VWA5B1: variants seen among roughly 807,000 people sequenced by gnomAD.
The protein encoded by VWA5B1 is von Willebrand factor A domain-containing protein 5B1.
A neutral mutation model predicts 118.2 loss-of-function variants in VWA5B1; 115 were observed. That is an observed-to-expected ratio of 0.97 (90% confidence interval 0.84 to 1.14). VWA5B1 has a LOEUF of 1.14. Ranked by LOEUF, VWA5B1 falls within the 50% of genes most tolerant of loss-of-function variation. The pLI, the probability that VWA5B1 is intolerant of heterozygous loss-of-function variation, is 0.00. For synonymous variants in VWA5B1, 682 were observed against 658.4 expected (o/e 1.04, Z -0.55); for missense variants, 1,596 against 1,603.8 (o/e 1.00, Z 0.08).
Position 20,348,325 on chromosome 1 carries a change from A to T in VWA5B1, c.2845A>T (p.Thr949Ser). The change falls in exon 18 of 22, where the codon ACG becomes TCG. Residue 949 changes from threonine to serine, a missense_variant. Physicochemically the swap from Thr to Ser is moderately conservative, Grantham distance 58. Transcript: ENST00000289815. ...GTSSGFGRPQ[T>S]MLGEDSAPGN... ...CTCTTCTGGCTTTGGAAGGCCGCAG[A>T]CGATGCTTGGAGAAGATTCGGCACC... The T allele has an allele frequency of 6.4e-7, 1 of 1,551,614 alleles. No homozygotes were observed.
chr1:20,330,388 C>T lies in VWA5B1; in HGVS notation c.1457+6C>T, dbSNP rs566674041. 3.9e-6 allele frequency: 6 copies of T among 1,551,576 alleles called. No individual in the cohort carries two copies. In the African/African-American group the frequency reaches 8.2e-5, roughly 21 times the overall value. ...AATCACGCCTTCTCCACCAGGTCGG[C>T]CTTGGCTGAGGGTCTAGGCTCGGTG... On this transcript the variant is annotated splice_donor_region_variant and intron_variant, in intron 10 of 21. Transcript: ENST00000289815.
intron 7 of VWA5B1, among the ~76,000 whole-genome samples, chr1:20,321,238 GAC>G (rs1489786716): frequency 6.6e-6 from 1 of 151,910 alleles, no homozygotes; most frequent in African/African-American, 2.4e-5. Flanking sequence ...TACTGAGAAT[GAC>G]ACAGTCTTCA....
At chr1:20,321,579 G>A (rs573326607) in intron 7 of VWA5B1, among the ~76,000 whole-genome samples, 1 of 151,716 alleles carries the variant, frequency 6.6e-6, no homozygotes, top group Admixed American at 6.6e-5. Context: ...GCGAGACTCT[G>A]TCTCAAAAAA....
intron 14 of VWA5B1, chr1:20,339,320 T>A (rs1242351328): frequency 6.6e-6 from 1 of 152,158 alleles, no homozygotes; most frequent in Non-Finnish European, 1.5e-5. Flanking sequence ...GGCAGGCAGA[T>A]CGCGTGAGCC....
chr1:20,332,918 T>G lies in VWA5B1; in HGVS notation c.1725T>G (p.Cys575Trp), dbSNP rs1172538883. 6 of 1,551,806 alleles carry G rather than the reference T, an allele frequency of 3.9e-6. No homozygotes were observed. The African/African-American group carries it at 8.2e-5, about 21-fold the overall frequency. ...GGCTGGTGGGGTATGGCATTGTATG[T>G]GATGCTTCTTTGCACATCTCCAATC... ...GERLVGYGIV[C>W]DASLHISNPR... The change falls in exon 12 of 22, where the codon TGT becomes TGG. Residue 575 changes from cysteine to tryptophan, a missense_variant. Cys to Trp is a radical substitution (Grantham distance 215). Coordinates refer to ENST00000289815, the MANE Select transcript of VWA5B1 (RefSeq NM_001039500.3).
chr1:20,351,469 T>C (rs1198130503), intron 20 of VWA5B1, among the ~76,000 whole-genome samples: 1 of 152,016 alleles, frequency 6.6e-6, no homozygotes, highest in Non-Finnish European at 1.5e-5. Flanking sequence ...CTGACCAACA[T>C]GGTGAAACCC....
intron 4 of VWA5B1, among the ~76,000 whole-genome samples, chr1:20,317,016 C>T (rs375382150): frequency 7.2e-5 from 11 of 151,900 alleles, no homozygotes; most frequent in African/African-American, 1.4e-4. Context: ...ATGAGCCGTG[C>T]GTAGTGGCGG....
Position 20,357,759 on chromosome 1 carries a change from T to C in VWA5B1, c.*3496T>C, listed in dbSNP as rs2090254906. Among the ~76,000 whole-genome samples the C allele has an allele frequency of 6.6e-6, 1 of 152,236 alleles. No homozygotes were observed. Among genetic ancestry groups the C allele is most frequent in the Non-Finnish European group, 1.5e-5 (1 of 68,034 alleles). ...GGCCCTAGAATGGTCCTGCCATCTG[T>C]GGGTGTGGCCTCGTATTAGCACTAC... On this transcript the variant is annotated 3_prime_UTR_variant, in exon 22 of 22. Transcript: ENST00000289815.
chr1:20,332,624 T>C, intron 11 of VWA5B1, 142 bp from the exon 12 acceptor site: 1 of 665,142 alleles, frequency 1.5e-6, no homozygotes, highest in African/African-American at 1.8e-5. Context: ...CTCAGAAGTG[T>C]GCTCAGTGCT....
intron 16 of VWA5B1, among the ~76,000 whole-genome samples, chr1:20,345,184 A>C (rs1316774818): frequency 6.6e-6 from 1 of 152,260 alleles, no homozygotes; most frequent in African/African-American, 2.4e-5. Context: ...AACTACAGTT[A>C]TTTAAAGGAA....
chr1:20,343,483 G>A (rs1314001283), intron 16 of VWA5B1, 90 bp downstream of exon 16: 7 of 1,230,326 alleles, frequency 5.7e-6, no homozygotes, highest in Non-Finnish European at 6.1e-6. Flanking sequence ...ACCCGCCCCC[G>A]GTGATCCTCT....
rs1445202308 is a variant in VWA5B1 at position 20,336,439 on chromosome 1, A to G, written c.1895A>G (p.Gln632Arg). 6.7e-7 allele frequency: 1 copy of G among 1,495,656 alleles called. No individual in the cohort carries two copies. The highest frequency in any genetic ancestry group is 2.6e-5 in the East Asian group (1 of 38,834). The allele number at this position is 1,495,656 out of a possible 1,614,324, so 92.6% of individuals were successfully genotyped here. The part of the protein sequence containing the change: ...KNSGAPFILG[Q>R]AKNARLASGD... ...TCGGGGGCACCCTTCATCCTAGGGC[A>G]GGCCAAAAATGCCCGGCTAGCCAGC... The change falls in exon 13 of 22, where the codon CAG (glutamine) becomes CGG (arginine). Residue 632 changes from glutamine (Q) to arginine (R), a missense_variant. Coordinates refer to ENST00000289815, the MANE Select transcript of VWA5B1 (RefSeq NM_001039500.3).
intron 1 of VWA5B1, among the ~76,000 whole-genome samples, chr1:20,300,850 G>A (rs530043319): frequency 1.2e-4 from 19 of 152,284 alleles, no homozygotes; most frequent in East Asian, 5.8e-4. Flanking sequence ...CAATCTTTAC[G>A]CCCCACCAGC....
At chr1:20,348,470 C>T (rs1340783368) in intron 18 of VWA5B1, 112 bp downstream of exon 18, 3 of 1,171,512 alleles carry the variant, frequency 2.6e-6, no homozygotes, top group Non-Finnish European at 3.7e-6. Context: ...TGAGTCTGCA[C>T]TGTGGGCTTA....
intron 16 of VWA5B1, among the ~76,000 whole-genome samples, chr1:20,344,145 A>G (rs731048): frequency 0.26 from 38,499 of 148,814 alleles, 5,275 homozygotes; most frequent in East Asian, 0.38. Context: ...CCTGCCTCCG[A>G]GTAAGTGGTC....
chr1:20,354,042 G>C lies in VWA5B1; in HGVS notation c.3427G>C (p.Val1143Leu). 6.4e-7 allele frequency: 1 copy of C among 1,551,698 alleles called. No homozygotes were observed. Among genetic ancestry groups the C allele is most frequent in the African/African-American group, 1.4e-5 (1 of 73,198 alleles). The change falls in exon 22 of 22, where the codon GTG (valine) becomes CTG (leucine). Residue 1143 changes from valine to leucine, a missense_variant. Coordinates refer to ENST00000289815, the MANE Select transcript of VWA5B1 (RefSeq NM_001039500.3). Reference sequence around the variant, plus strand: ...GCACACTGGGAAGCTGTGGGCCACGGTGGTGGGGCTGGCATGGCTGGAGCA... The same window carrying C: ...GCACACTGGGAAGCTGTGGGCCACGCTGGTGGGGCTGGCATGGCTGGAGCA... ...VEHTGKLWAT[V>L]VGLAWLEHSS...
chr1:20,307,696 C>T (rs538454907), intron 1 of VWA5B1, among the ~76,000 whole-genome samples: 1 of 152,168 alleles, frequency 6.6e-6, no homozygotes, highest in East Asian at 1.9e-4. Flanking sequence ...GTGGCTAATT[C>T]AGGGCCTGGA....
chr1:20,346,965 G>A (rs545506926), intron 17 of VWA5B1, among the ~76,000 whole-genome samples: 30 of 152,066 alleles, frequency 2.0e-4, no homozygotes, highest in Non-Finnish European at 3.2e-4. Context: ...CAGGCTGTTC[G>A]CTTATTCATG....
intron 9 of VWA5B1, among the ~76,000 whole-genome samples, chr1:20,329,071 A>G (rs1056254848): frequency 2.0e-5 from 3 of 152,150 alleles, no homozygotes; most frequent in Non-Finnish European, 4.4e-5. Flanking sequence ...GTATTTCACT[A>G]CACAGATAGA....
Sources: allele counts gnomAD v4.1 joint callset (sites outside exome capture counted in the v4.1 genomes callset), GRCh38; gene constraint gnomAD v4.1.1; transcripts MANE v1.5; gene names NCBI Gene and HGNC (gene_info 2026-07-23, HGNC 2026-07-21).